The following STK32C variants were observed in gnomAD, a reference collection of about 807,000 sequenced individuals.
The protein encoded by STK32C is serine/threonine-protein kinase 32C.
Under a neutral mutation model 56.5 loss-of-function variants are expected in STK32C, and 31 were observed. The ratio of observed to expected loss-of-function variants is 0.55; its 90% CI spans 0.41 to 0.74. The LOEUF (loss-of-function observed/expected upper bound fraction) is 0.74, where lower values mean the gene tolerates loss of function less well. STK32C is among the 30% of genes least tolerant of loss of function. STK32C has a pLI of 0.00. For synonymous variants in STK32C, 309 were observed against 289.4 expected (o/e 1.07, Z -0.69); for missense variants, 544 against 676.9 (o/e 0.80, Z 2.18).
At chr10:132,232,562 C>T (rs1408059816) in intron 2 of STK32C, among the ~76,000 whole-genome samples, 4 of 152,172 alleles carry the variant, frequency 2.6e-5, no homozygotes, top group Admixed American at 6.5e-5. Flanking sequence ...CCGACTCAAA[C>T]GCTTCCTCCA....
In STK32C at chr10:132,218,095, G is replaced by C. The variant is rs115205180; in HGVS notation, c.1251+4546C>G. ...CCAGCATTTTGGGAGGCTGAGGTGG[G>C]AGGACTCCAAGAGTTTGAGACCAAC... On this transcript the variant is annotated intron_variant, in intron 10 of 11. Coordinates refer to ENST00000298630, the MANE Select transcript of STK32C (RefSeq NM_173575.4). Among the ~76,000 whole-genome samples, 566 of 152,238 alleles carry C rather than the reference G, an allele frequency of 3.7e-3. 2 individuals are homozygous for C. Among genetic ancestry groups the C allele is most frequent in the African/African-American group, 0.013 (551 of 41,548 alleles).
intron 4 of STK32C, 83 bp from the exon 5 acceptor site, chr10:132,225,867 C>G: frequency 6.4e-7 from 1 of 1,558,854 alleles, no homozygotes; most frequent in Non-Finnish European, 8.8e-7. Flanking sequence ...CCCTGGAGTC[C>G]CCAGGACATC....
rs1402423811 is a variant in STK32C, at chr10:132,225,708, C to T, written c.682+39G>A. The T allele has an allele frequency of 5.0e-6, 8 of 1,613,400 alleles. No individual in the cohort carries two copies. The South Asian group carries it at 5.5e-5, about 11-fold the overall frequency. On this transcript the variant is annotated intron_variant, in intron 5 of 11. Transcript: ENST00000298630. Reference sequence around the variant, plus strand: ...CCTCCCCTGACAGGCCCATCCCTGCCACCACCCACCTGGGCTGCCCACACC... The same window carrying T: ...CCTCCCCTGACAGGCCCATCCCTGCTACCACCCACCTGGGCTGCCCACACC...
chr10:132,286,894 A>T (rs1374866749), intron 1 of STK32C, among the ~76,000 whole-genome samples: 1 of 152,222 alleles, frequency 6.6e-6, no homozygotes. Context: ...GATCCCAGAG[A>T]GTGCAATGAG....
intron 1 of STK32C, among the ~76,000 whole-genome samples, chr10:132,324,827 G>A (rs1303214350): frequency 1.3e-5 from 2 of 152,208 alleles, no homozygotes; most frequent in African/African-American, 4.8e-5. Flanking sequence ...ATCAATGCCT[G>A]TGAGGTATAC....
Position 132,240,079 on chromosome 10 carries a change from C to A in STK32C, c.318+5821G>T, listed in dbSNP as rs79580475. ...GGCCTGGAGAGCACGAGGCCCCCCC[C>A]AAAGAAGACCCCCAGGGAAGCCCCC... On this transcript the variant is annotated intron_variant, in intron 2 of 11. Coordinates refer to ENST00000298630, the MANE Select transcript of STK32C (RefSeq NM_173575.4). Among the ~76,000 whole-genome samples, 1,455 of 152,104 alleles carry A rather than the reference C, an allele frequency of 9.6e-3. 31 individuals carry two copies. The highest frequency in any genetic ancestry group is 0.033 in the African/African-American group (1,365 of 41,488).
intron 1 of STK32C, among the ~76,000 whole-genome samples, chr10:132,293,505 G>A (rs1384118099): frequency 6.6e-6 from 1 of 152,368 alleles, no homozygotes; most frequent in East Asian, 1.9e-4. Flanking sequence ...TGAAGGCCCT[G>A]TCATCCTTAG....
intron 2 of STK32C, among the ~76,000 whole-genome samples, chr10:132,232,484 GT>G (rs2063138650): frequency 6.6e-6 from 1 of 152,044 alleles, no homozygotes; most frequent in Admixed American, 6.6e-5. Context: ...GCAGAGCAGT[GT>G]TTACAAAAAA....
Position 132,284,967 on chromosome 10 carries a change from G to A in STK32C, c.262+22605C>T, listed in dbSNP as rs34937592. Among the ~76,000 whole-genome samples the A allele has an allele frequency of 8.8e-3, 674 of 76,544 alleles. 4 individuals carry two copies. Among genetic ancestry groups the A allele is most frequent in the African/African-American group, 0.027 (518 of 19,502 alleles). 50.2% of individuals were successfully genotyped at this position (76,544 alleles called of 152,430 possible). A position where few individuals can be genotyped will look rare whatever the true frequency, so the allele number is the denominator to read the frequency against. ...CTGCCCAAAGACCAGGCATGAACCCGGAACACATTCCCACGTCTGCCCAAA... is the reference window on the plus strand; with the variant it reads ...CTGCCCAAAGACCAGGCATGAACCCAGAACACATTCCCACGTCTGCCCAAA... On this transcript the variant is annotated intron_variant, in intron 1 of 11. Transcript: ENST00000298630.
rs1408998317 is a variant in STK32C at position 132,224,571 on chromosome 10, C to T, written c.877-48G>A. 2.1e-6 allele frequency: 3 copies of T among 1,404,906 alleles called. No homozygotes were observed. In the South Asian group the frequency reaches 3.6e-5, roughly 17 times the overall value. The allele number at this position is 1,404,906 out of a possible 1,614,324, so 87.0% of individuals were successfully genotyped here. On this transcript the variant is annotated intron_variant, in intron 7 of 11. Coordinates refer to ENST00000298630, the MANE Select transcript of STK32C (RefSeq NM_173575.4). ...GGGCAGGTCCTCCTGGCCCCCAGGA[C>T]ACCCAGAACAATGCCAGACACAGGT...
chr10:132,214,318 C>G (rs1348778789), intron 10 of STK32C, among the ~76,000 whole-genome samples: 1 of 152,132 alleles, frequency 6.6e-6, no homozygotes, highest in Non-Finnish European at 1.5e-5. Context: ...TTAGAGCAGA[C>G]TGCCTGTTAG....
chr10:132,331,894 A>AC (rs56390424), upstream of STK32C: 151,805 of 884,340 alleles, frequency 0.17, 16,892 homozygotes, highest in Non-Finnish European at 0.2. Context: ...ACCCCCTGCC[A>AC]CCCCCGCGCA....
intron 1 of STK32C, among the ~76,000 whole-genome samples, chr10:132,296,120 C>T (rs2065739616): frequency 6.7e-6 from 1 of 149,022 alleles, no homozygotes; most frequent in Non-Finnish European, 1.5e-5. Context: ...ATGGCATTTA[C>T]CTCCGTGGTC....
chr10:132,258,327 G>T (rs1368474514), intron 1 of STK32C, among the ~76,000 whole-genome samples: 1 of 152,260 alleles, frequency 6.6e-6, no homozygotes, highest in Non-Finnish European at 1.5e-5. Context: ...AGAGTGGAAA[G>T]CACCTTTCCC....
intron 1 of STK32C, among the ~76,000 whole-genome samples, chr10:132,267,025 C>T (rs1168548972): frequency 1.3e-5 from 2 of 152,176 alleles, no homozygotes; most frequent in South Asian, 2.1e-4. Flanking sequence ...CGGGCAGCCC[C>T]CGCCCACCCC....
intron 1 of STK32C, among the ~76,000 whole-genome samples, chr10:132,317,309 C>T (rs2066327063): frequency 6.6e-6 from 1 of 152,168 alleles, no homozygotes; most frequent in African/African-American, 2.4e-5. Flanking sequence ...AGGGGAAAAT[C>T]TCTATGACCT....
At chr10:132,246,013 C>A in intron 1 of STK32C, 58 bp from the exon 2 acceptor site, 1 of 1,532,698 alleles carries the variant, frequency 6.5e-7, no homozygotes, top group East Asian at 2.2e-5. Flanking sequence ...CACCCCAGAG[C>A]AGCTCCCCCA....
intron 10 of STK32C, among the ~76,000 whole-genome samples, chr10:132,215,620 T>C (rs1416340534): frequency 1.3e-5 from 2 of 152,284 alleles, no homozygotes; most frequent in East Asian, 1.9e-4. Context: ...CCATTAAACC[T>C]TTTTCCTGTA....
intron 10 of STK32C, among the ~76,000 whole-genome samples, chr10:132,216,892 A>G (rs1415965813): frequency 6.6e-6 from 1 of 152,244 alleles, no homozygotes; most frequent in Non-Finnish European, 1.5e-5. Flanking sequence ...AAACACCTGG[A>G]TGTCCAGGCA....
Sources: allele counts gnomAD v4.1 joint callset (sites outside exome capture counted in the v4.1 genomes callset), GRCh38; gene constraint gnomAD v4.1.1; transcripts MANE v1.5; gene names NCBI Gene and HGNC (gene_info 2026-07-23, HGNC 2026-07-21).